The following WNK3 variants were observed in gnomAD, a reference collection of about 807,000 sequenced individuals.
WNK3 encodes the protein WNK lysine deficient protein kinase 3.
WNK3 carries 18 observed loss-of-function variants against 116.7 expected under a neutral mutation model. The observed-to-expected ratio is 0.15, with a 90% CI of 0.11 to 0.23. The LOEUF (loss-of-function observed/expected upper bound fraction) is 0.23. Ranked by LOEUF, WNK3 falls within the 10% of genes least tolerant of loss-of-function variation. The probability of loss-of-function intolerance (pLI) is 1.00; values close to 1 mark genes in which losing one functional copy is unlikely to be tolerated. For synonymous variants in WNK3, 404 were observed against 469.4 expected (o/e 0.86, Z 1.80); for missense variants, 993 against 1,323.8 (o/e 0.75, Z 3.88).
intron 10 of WNK3, among the ~76,000 whole-genome samples, chrX:54,290,548 G>A (rs1394074246): frequency 8.9e-6 from 1 of 111,877 alleles, no homozygotes; most frequent in African/African-American, 3.2e-5. Context: ...AATACCATGA[G>A]TAAATGCTAG....
intron 1 of WNK3, among the ~76,000 whole-genome samples, chrX:54,352,922 C>T (rs1426174812): frequency 1.8e-5 from 2 of 111,733 alleles, no homozygotes; most frequent in Non-Finnish European, 1.9e-5. Flanking sequence ...ATGTTACATG[C>T]CATAACACAG....
intron 10 of WNK3, among the ~76,000 whole-genome samples, chrX:54,275,412 C>CGTGTGTGTGTGTGT (rs1569537519): frequency 1.1e-4 from 5 of 44,435 alleles, no homozygotes; most frequent in African/African-American, 3.6e-4. Context: ...GGTATAAGTT[C>CGTGTGTGTGTGTGT]ATATGTGTGT....
At chrX:54,325,156 C>A (rs1557173007) in intron 2 of WNK3, among the ~76,000 whole-genome samples, 1 of 110,956 alleles carries the variant, frequency 9.0e-6, no homozygotes, top group African/African-American at 3.3e-5. Flanking sequence ...CTCTATTGTG[C>A]CATTTTTTTC....
At chrX:54,230,714 G>A (rs886677648) in intron 21 of WNK3, among the ~76,000 whole-genome samples, 7 of 112,649 alleles carry the variant, frequency 6.2e-5, no homozygotes, top group African/African-American at 2.3e-4. Context: ...AAAGCTGTAT[G>A]TGACTATTTA....
At chrX:54,309,447 T>A (rs1449979494) in intron 3 of WNK3, 132 bp from the exon 4 acceptor site, 4 of 487,366 alleles carry the variant, frequency 8.2e-6, no homozygotes, top group Non-Finnish European at 1.3e-5. Flanking sequence ...TTCTATTGTC[T>A]GTTATGGCAA....
chrX:54,235,243 G>T (rs1360651778), intron 20 of WNK3, among the ~76,000 whole-genome samples: 1 of 112,285 alleles, frequency 8.9e-6, no homozygotes, highest in African/African-American at 3.2e-5. Flanking sequence ...TAGCATCCAA[G>T]TGGAGCATTA....
chrX:54,319,231 C>T (rs2069000920), intron 2 of WNK3, among the ~76,000 whole-genome samples: 1 of 111,151 alleles, frequency 9.0e-6, no homozygotes, highest in Admixed American at 9.6e-5. Flanking sequence ...GGCGCGATCT[C>T]AGCTCACTGC....
chrX:54,294,167 GCAAGGCCCTGTCT>G (rs1487289879), intron 8 of WNK3, among the ~76,000 whole-genome samples: 6 of 111,104 alleles, frequency 5.4e-5, no homozygotes, highest in African/African-American at 2.0e-4. Flanking sequence ...AGGTGACAGA[GCAAGGCCCTGTCT>G]CAAAAAAAAG....
chrX:54,299,947 C>T (rs1444183928), intron 6 of WNK3, among the ~76,000 whole-genome samples: 5 of 110,514 alleles, frequency 4.5e-5, no homozygotes, highest in Non-Finnish European at 7.6e-5. Flanking sequence ...GCAACCTCCA[C>T]CTCCCAGGTT....
At chrX:54,216,930 C>T (rs1253967404) in intron 22 of WNK3, among the ~76,000 whole-genome samples, 1 of 112,276 alleles carries the variant, frequency 8.9e-6, no homozygotes, top group Non-Finnish European at 1.9e-5. Context: ...AATCCCAGAA[C>T]TTTGGGAGGC....
At chrX:54,233,143 G>T in intron 20 of WNK3, 123 bp from the exon 21 acceptor site, 1 of 521,267 alleles carries the variant, frequency 1.9e-6, no homozygotes, top group Non-Finnish European at 3.1e-6. Context: ...GGGAAATAGA[G>T]ACTAGGCACA....
intron 10 of WNK3, among the ~76,000 whole-genome samples, chrX:54,275,412 CATATGTGTGTGTGTGT>C (rs1351797532): frequency 1.8e-4 from 8 of 44,435 alleles, no homozygotes; most frequent in African/African-American, 6.4e-4. Context: ...GGTATAAGTT[CATATGTGTGTGTGTGT>C]GTGTGTGTGT....
intron 6 of WNK3, 118 bp downstream of exon 6, chrX:54,301,653 G>T (rs2068759887): frequency 3.7e-6 from 2 of 538,289 alleles, no homozygotes; most frequent in African/African-American, 4.7e-5. Flanking sequence ...CTAGAGTATG[G>T]TTTGGCTTCT....
exon 2 of WNK3, chrX:54,333,770 T>C: frequency 4.8e-6 from 3 of 626,337 alleles, no homozygotes; most frequent in Non-Finnish European, 7.1e-6. Flanking sequence ...TCCTTTTGCG[T>C]GGTCATGTAT....
At chrX:54,210,939 G>A (rs2067606110) in intron 22 of WNK3, among the ~76,000 whole-genome samples, 1 of 111,888 alleles carries the variant, frequency 8.9e-6, no homozygotes, top group Non-Finnish European at 1.9e-5. Context: ...TGCAATCTGT[G>A]GTGTTTTTGC....
At chrX:54,281,803 T>TACACACATATACATGTATGTATATGC (rs1400766986) in intron 10 of WNK3, among the ~76,000 whole-genome samples, 10 of 111,165 alleles carry the variant, frequency 9.0e-5, no homozygotes, top group African/African-American at 3.3e-4. Flanking sequence ...TGTGTGTGTA[T>TACACACATATACATGTATGTATATGC]ACACACATAT....
Position 54,298,387 on chromosome X carries a change from T to C in WNK3, c.1186A>G (p.Ile396Val), listed in dbSNP as rs2068721597. The change falls in exon 7 of 24, where the codon ATC becomes GTC. Residue 396 changes from isoleucine (I) to valine (V), a missense_variant. Physicochemically the swap from Ile to Val is conservative, Grantham distance 29. This residue lies in a region of WNK3 where 37 missense variants were observed against 86.9 expected (regional missense o/e 0.43). Transcript: ENST00000354646. The stretch of plus-strand genomic sequence containing the variant: ...AATGCATGGTTTAATAGGTCCCTGA[T>C]AGACAACCTAATAAACAAAACATAT... The C allele has an allele frequency of 1.2e-5, 14 of 1,191,305 alleles. No individual in the cohort carries two copies. The highest frequency in any genetic ancestry group is 1.6e-5 in the Non-Finnish European group (14 of 877,321).
At chrX:54,280,159 C>T (rs2068498086) in intron 10 of WNK3, among the ~76,000 whole-genome samples, 2 of 110,625 alleles carry the variant, frequency 1.8e-5, no homozygotes, top group South Asian at 3.9e-4. Flanking sequence ...TAGCTGGGCA[C>T]GGTGGCAGGC....
At chrX:54,248,747 T>G in exon 17 of WNK3, 1 of 1,211,804 alleles carries the variant, frequency 8.3e-7, no homozygotes, top group South Asian at 1.8e-5. Context: ...AGGTCCCTTT[T>G]GAACACTGAT....
Sources: gnomAD v4.1 joint callset for allele counts (sites outside exome capture counted in the v4.1 genomes callset) on GRCh38, gnomAD v4.1.1 for gene constraint, gnomAD v4.1.1 regional missense constraint, MANE v1.5 for transcripts, NCBI Gene and HGNC (gene_info 2026-07-23, HGNC 2026-07-21) for gene names.